The following HRH1 variants were observed in gnomAD, a reference collection of about 807,000 sequenced individuals.
HRH1 encodes the protein histamine H1 receptor.
A neutral mutation model predicts 10.3 loss-of-function variants in HRH1; 6 were observed. That is an observed-to-expected ratio of 0.58 (90% confidence interval 0.32 to 1.15). The LOEUF (loss-of-function observed/expected upper bound fraction) is 1.15, where lower values mean the gene tolerates loss of function less well. Ranked by LOEUF, HRH1 falls within the 50% of genes most tolerant of loss-of-function variation. The pLI is 0.05. For missense variants in HRH1, 514 were observed against 615.3 expected, an observed-to-expected ratio of 0.84 and a Z score of 1.74; for synonymous variants, 242 against 236.7, an observed-to-expected ratio of 1.02 and a Z score of -0.21.
intron 1 of HRH1, among the ~76,000 whole-genome samples, chr3:11,183,855 C>CTT (rs60566877): frequency 0.052 from 4,801 of 91,808 alleles, 234 homozygotes; most frequent in African/African-American, 0.076. Flanking sequence ...GGAAAGCTTG[C>CTT]TTTTTTTTTT....
At chr3:11,151,883 A>G (rs928860948), upstream of HRH1, among the ~76,000 whole-genome samples, 2 of 152,230 alleles carry the variant, frequency 1.3e-5, no homozygotes, top group Non-Finnish European at 2.9e-5. Context: ...GGCTCAGAGA[A>G]GCAAAGTAAA....
chr3:11,191,030 T>A (rs1366202862), intron 1 of HRH1, among the ~76,000 whole-genome samples: 7 of 152,062 alleles, frequency 4.6e-5, no homozygotes, highest in African/African-American at 9.7e-5. Flanking sequence ...CCCCCTTTCA[T>A]CCCTTTTTCA....
At chr3:11,182,250 G>A (rs1937372214) in intron 1 of HRH1, among the ~76,000 whole-genome samples, 1 of 152,130 alleles carries the variant, frequency 6.6e-6, no homozygotes, top group East Asian at 1.9e-4. Flanking sequence ...CCAAAGTGCT[G>A]GGATTACAAG....
intron 1 of HRH1, among the ~76,000 whole-genome samples, chr3:11,161,108 C>A (rs539770001): frequency 4.6e-5 from 7 of 152,132 alleles, no homozygotes; most frequent in Non-Finnish European, 8.8e-5. Flanking sequence ...CATTCTCCTC[C>A]TGCCCTGCCT....
At chr3:11,242,590 C>T (rs1010706891) in intron 1 of HRH1, among the ~76,000 whole-genome samples, 8 of 151,458 alleles carry the variant, frequency 5.3e-5, no homozygotes, top group Non-Finnish European at 8.8e-5. Context: ...GAACCAACTC[C>T]GGACACACTA....
chr3:11,143,281 G>A (rs1453168629), intron 1 of HRH1, among the ~76,000 whole-genome samples: 1 of 152,216 alleles, frequency 6.6e-6, no homozygotes, highest in Non-Finnish European at 1.5e-5. Context: ...TCAACCTGCT[G>A]TGTGGAGAGT....
chr3:11,144,762 T>C (rs1322249742), intron 1 of HRH1, among the ~76,000 whole-genome samples: 1 of 151,702 alleles, frequency 6.6e-6, no homozygotes, highest in Non-Finnish European at 1.5e-5. Flanking sequence ...CGACAACACT[T>C]ATAAATGTAG....
intron 1 of HRH1, among the ~76,000 whole-genome samples, chr3:11,209,052 A>G (rs990165473): frequency 3.3e-5 from 5 of 152,204 alleles, no homozygotes; most frequent in African/African-American, 1.2e-4. Flanking sequence ...AAACAGCCCA[A>G]TCAAGAAATA....
chr3:11,233,691 C>T (rs944846631), intron 1 of HRH1, among the ~76,000 whole-genome samples: 1 of 152,138 alleles, frequency 6.6e-6, no homozygotes, highest in Non-Finnish European at 1.5e-5. Context: ...AAACCAGGAG[C>T]TCAATGCCAA....
Position 11,206,776 on chromosome 3 carries a change from C to G in HRH1, c.-36+52222C>G, listed in dbSNP as rs115997987. On this transcript the variant is annotated intron_variant, in intron 1 of 1. Transcript: ENST00000431010. Reference sequence around the variant, plus strand: ...CTTCTATTCAACCTCTTCTGTAGTTCCCAGGCACCTGTGCCTGGCACGTGG... The same window carrying G: ...CTTCTATTCAACCTCTTCTGTAGTTGCCAGGCACCTGTGCCTGGCACGTGG... Among the ~76,000 whole-genome samples, 970 of 152,294 alleles carry G rather than the reference C, an allele frequency of 6.4e-3. 9 individuals are homozygous for G. The highest frequency in any genetic ancestry group is 0.023 in the African/African-American group (945 of 41,562).
At position 11,259,702 on chromosome 3, in the gene HRH1, A is replaced by G; in HGVS notation, c.665A>G (p.Gln222Arg). The G allele has an allele frequency of 6.2e-7, 1 of 1,614,158 alleles. No individual in the cohort carries two copies. The highest frequency in any genetic ancestry group is 8.5e-7 in the Non-Finnish European group (1 of 1,180,038). ...KIYKAVRQHC[Q>R]HRELINRSLP... ...TACAAGGCCGTACGACAACACTGCC[A>G]GCACCGGGAGCTCATCAATAGGTCC... Residue 222 changes from glutamine to arginine, a missense_variant, in exon 2 of 2, where the codon CAG becomes CGG. Physicochemically the swap from Gln to Arg is conservative, Grantham distance 43. Coordinates refer to ENST00000431010, the MANE Select transcript of HRH1 (RefSeq NM_001098212.2). This position sits in a 1 kb window ranked among gnomAD's most constrained non-coding sequence, Gnocchi z 4.6.
At chr3:11,237,740 AT>A (rs1939225196) in intron 1 of HRH1, among the ~76,000 whole-genome samples, 2 of 125,980 alleles carry the variant, frequency 1.6e-5, no homozygotes, top group Non-Finnish European at 3.1e-5. Flanking sequence ...CAGTGGCGTG[AT>A]CTCAGCTCAC....
chr3:11,190,769 T>C (rs963982706), intron 1 of HRH1, among the ~76,000 whole-genome samples: 2 of 152,098 alleles, frequency 1.3e-5, no homozygotes, highest in Non-Finnish European at 2.9e-5. Flanking sequence ...GAGGATCGCT[T>C]GAGCCGTGAG....
At chr3:11,238,490 G>C (rs1315570350) in intron 1 of HRH1, among the ~76,000 whole-genome samples, 1 of 152,120 alleles carries the variant, frequency 6.6e-6, no homozygotes, top group Non-Finnish European at 1.5e-5. Flanking sequence ...GACAGATCTG[G>C]AACCCAGAGC....
At chr3:11,222,412 T>C (rs191628233) in intron 1 of HRH1, among the ~76,000 whole-genome samples, 12 of 152,262 alleles carry the variant, frequency 7.9e-5, no homozygotes, top group Admixed American at 7.8e-4. Flanking sequence ...ATATCCCAGG[T>C]GTTGTGTGGA....
chr3:11,209,751 C>G (rs1441644633), intron 1 of HRH1, among the ~76,000 whole-genome samples: 5 of 152,180 alleles, frequency 3.3e-5, no homozygotes, highest in Non-Finnish European at 7.3e-5. Context: ...TAGCAGAGGA[C>G]TGATGACTTA....
At chr3:11,174,182 T>A (rs1473523848) in intron 1 of HRH1, among the ~76,000 whole-genome samples, 1 of 152,274 alleles carries the variant, frequency 6.6e-6, no homozygotes, top group Non-Finnish European at 1.5e-5. Flanking sequence ...ACTGTAGTTG[T>A]CTGTTAGTGA....
chr3:11,142,656 TG>T (rs1936314106), intron 1 of HRH1, among the ~76,000 whole-genome samples: 1 of 152,210 alleles, frequency 6.6e-6, no homozygotes, highest in South Asian at 2.1e-4. Context: ...GGCTCACGCC[TG>T]TAATTCCAGC....
In HRH1 at chr3:11,259,987, G is replaced by A. The variant is rs952373329; in HGVS notation, c.950G>A (p.Ser317Asn). Residue 317 changes from serine (S) to asparagine (N), a missense_variant, in exon 2 of 2, where the codon AGT (serine) becomes AAT (asparagine). Ser to Asn is a conservative substitution (Grantham distance 46). Transcript: ENST00000431010. This position sits in a 1 kb window ranked among gnomAD's most constrained non-coding sequence, Gnocchi z 4.6. The part of the protein sequence containing the change: ...IVHMQAAAEG[S>N]SRDYVAVNRS... Reference sequence around the variant, plus strand: ...CACATGCAGGCTGCGGCAGAGGGGAGTAGCAGGGACTATGTAGCCGTCAAC... The same window carrying A: ...CACATGCAGGCTGCGGCAGAGGGGAATAGCAGGGACTATGTAGCCGTCAAC... 1 of 1,614,178 alleles carries A rather than the reference G, an allele frequency of 6.2e-7. No individual in the cohort carries two copies.
Sources: gnomAD v4.1 joint callset for allele counts (sites outside exome capture counted in the v4.1 genomes callset) on GRCh38, gnomAD v4.1.1 for gene constraint, Gnocchi (gnomAD v3.1) non-coding constraint, MANE v1.5 for transcripts, NCBI Gene and HGNC (gene_info 2026-07-23, HGNC 2026-07-21) for gene names.